The following APOBEC3C variants were observed in gnomAD, a reference collection of about 807,000 sequenced individuals.
APOBEC3C encodes the protein DNA dC->dU-editing enzyme APOBEC-3C.
A neutral mutation model predicts 20.6 loss-of-function variants in APOBEC3C; 14 were observed. The observed-to-expected ratio is 0.68, with a 90% CI of 0.45 to 1.06. APOBEC3C has a LOEUF of 1.06. Ranked by LOEUF, APOBEC3C falls within the 50% of genes least tolerant of loss-of-function variation. The probability of loss-of-function intolerance (pLI) is 0.00; values close to 1 mark genes in which losing one functional copy is unlikely to be tolerated. For missense variants in APOBEC3C, 244 were observed against 241.9 expected, an observed-to-expected ratio of 1.01 and a Z score of -0.06; for synonymous variants, 98 against 88.8, an observed-to-expected ratio of 1.10 and a Z score of -0.58.
Position 39,018,457 on chromosome 22 carries a change from C to A in APOBEC3C, c.*70C>A. 6.5e-7 allele frequency: 1 copy of A among 1,542,946 alleles called. No homozygotes were observed. The highest frequency in any genetic ancestry group is 1.2e-5 in the South Asian group (1 of 85,128). ...TCATGCTGCACGGGCCTCCCCTCCA[C>A]CCTGGACCCGCTCTGTTTCTGCCTG... On this transcript the variant is annotated 3_prime_UTR_variant, in exon 4 of 4. Transcript: ENST00000361441.
In APOBEC3C at chr22:39,018,651, C is replaced by A. The variant is rs916405873; in HGVS notation, c.*264C>A. The A allele has an allele frequency of 3.1e-6, 1 of 325,896 alleles. No individual in the cohort carries two copies. 20.2% of individuals were successfully genotyped at this position (325,896 alleles called of 1,614,324 possible). Reference sequence around the variant, plus strand: ...TCCAGCCTGCGTGCCCCTAACCTGGCTTTTCCCATCTCCCCAGCATAACCA... The same window carrying A: ...TCCAGCCTGCGTGCCCCTAACCTGGATTTTCCCATCTCCCCAGCATAACCA... On this transcript the variant is annotated 3_prime_UTR_variant, in exon 4 of 4. Coordinates refer to ENST00000361441, the MANE Select transcript of APOBEC3C (RefSeq NM_014508.3).
chr22:39,015,830 G>A lies in APOBEC3C; in HGVS notation c.174+79G>A. On this transcript the variant is annotated intron_variant, in intron 2 of 3. Coordinates refer to ENST00000361441, the MANE Select transcript of APOBEC3C (RefSeq NM_014508.3). ...CAGAAAACGCAACAATAAGTGATGT[G>A]CCCGGCGTGGGCTCTCCTGTGTGCA... 6.2e-6 allele frequency: 9 copies of A among 1,454,050 alleles called. No homozygotes were observed. The South Asian group carries it at 7.5e-5, about 12-fold the overall frequency. The allele number at this position is 1,454,050 out of a possible 1,614,324, so 90.1% of individuals were successfully genotyped here. A position where few individuals can be genotyped will look rare whatever the true frequency, so the allele number is the denominator to read the frequency against.
intron 1 of APOBEC3C, 35 bp from the exon 2 acceptor site, chr22:39,015,560 G>C: frequency 6.2e-7 from 1 of 1,607,186 alleles, no homozygotes; most frequent in Non-Finnish European, 8.5e-7. Context: ...CGGTGCGGGG[G>C]TCTCTGCATT....
At chr22:39,018,155 C>A in intron 3 of APOBEC3C, 110 bp downstream of exon 3, 1 of 1,569,010 alleles carries the variant, frequency 6.4e-7, no homozygotes, top group Admixed American at 1.8e-5. Flanking sequence ...CTGTGGGGAC[C>A]GGGCCAGCGC....
chr22:39,014,459 C>CCCCCTG, intron 1 of APOBEC3C, 80 bp downstream of exon 1: 1 of 1,580,648 alleles, frequency 6.3e-7, no homozygotes, highest in Non-Finnish European at 8.7e-7. Context: ...GCCCTGGCCT[C>CCCCCTG]CCCCTGCCCC....
chr22:39,017,183 G>A (rs1924813362), intron 2 of APOBEC3C, among the ~76,000 whole-genome samples: 1 of 152,078 alleles, frequency 6.6e-6, no homozygotes, highest in Non-Finnish European at 1.5e-5. Flanking sequence ...AGTGAGCCGA[G>A]ATTGTGCCAC....
Position 39,018,037 on chromosome 22 carries a change from A to C in APOBEC3C, c.446A>C (p.Asp149Ala), listed in dbSNP as rs202215677. Residue 149 changes from aspartate to alanine, a missense_variant, in exon 3 of 4, where the codon GAC becomes GCC. By Grantham distance (126) the Asp-to-Ala change is moderately radical. Coordinates refer to ENST00000361441, the MANE Select transcript of APOBEC3C (RefSeq NM_014508.3). Reference protein sequence around the residue: ...SQEGVAVEIMDYEDFKYCWEN... With the variant: ...SQEGVAVEIMAYEDFKYCWEN... ...GAAGGGGTCGCTGTGGAGATCATGG[A>C]CTATGAAGGTGAGACGTGGGGGGCT... 1.7e-4 allele frequency: 273 copies of C among 1,613,938 alleles called. No homozygotes were observed. Among genetic ancestry groups the C allele is most frequent in the Admixed American group, 2.5e-4 (15 of 60,010 alleles).
intron 2 of APOBEC3C, among the ~76,000 whole-genome samples, chr22:39,016,756 T>A (rs1425986676): frequency 6.6e-6 from 1 of 152,036 alleles, no homozygotes; most frequent in Non-Finnish European, 1.5e-5. Flanking sequence ...GACTGCGGGC[T>A]GGTGGGGCCG....
In APOBEC3C at chr22:39,018,112, A is replaced by G. The variant is rs2146312196; in HGVS notation, c.454+67A>G. ...AGCATGAGGGGCAGATGGTTCTCCA[A>G]TGCTGTGGGGCGGGTCAGTGTCCCC... On this transcript the variant is annotated intron_variant, in intron 3 of 3. Coordinates refer to ENST00000361441, the MANE Select transcript of APOBEC3C (RefSeq NM_014508.3). The G allele has an allele frequency of 2.5e-6, 4 of 1,591,228 alleles. No homozygotes were observed. The South Asian group carries it at 3.4e-5, about 14-fold the overall frequency.
intron 2 of APOBEC3C, among the ~76,000 whole-genome samples, chr22:39,017,077 C>T (rs1924808712): frequency 6.6e-6 from 1 of 151,714 alleles, no homozygotes; most frequent in East Asian, 1.9e-4. Context: ...ACTAAAAATA[C>T]AAAGATTAGC....
rs999270579 is a variant in APOBEC3C, at chr22:39,019,052, C to A, written c.*665C>A. 5 of 151,998 alleles carry A rather than the reference C, an allele frequency of 3.3e-5. No individual in the cohort carries two copies. Among genetic ancestry groups the A allele is most frequent in the African/African-American group, 4.8e-5 (2 of 41,380 alleles). The allele number at this position is 151,998 out of a possible 1,614,324, so 9.4% of individuals were successfully genotyped here. A position where few individuals can be genotyped will look rare whatever the true frequency, so the allele number is the denominator to read the frequency against. ...TGTGAATATATGTAAGTTGAAAACC[C>A]GAAGTTTTGAGAAACATCCTTTGTA... On this transcript the variant is annotated 3_prime_UTR_variant, in exon 4 of 4. Transcript: ENST00000361441.
In APOBEC3C at chr22:39,014,321, G is replaced by C. The variant is rs181000303; in HGVS notation, c.-42G>C. 1.9e-6 allele frequency: 3 copies of C among 1,614,028 alleles called. No homozygotes were observed. The highest frequency in any genetic ancestry group is 1.7e-4 in the Middle Eastern group (1 of 6,060). ...CAGGAAGAGAAGCCACAGCGCTTCA[G>C]AAAAGAGTGGGACAGGGACAAGCAT... On this transcript the variant is annotated 5_prime_UTR_variant, in exon 1 of 4. Coordinates refer to ENST00000361441, the MANE Select transcript of APOBEC3C (RefSeq NM_014508.3).
chr22:39,018,070 G>C, intron 3 of APOBEC3C, 25 bp downstream of exon 3: 1 of 1,612,082 alleles, frequency 6.2e-7, no homozygotes, highest in Non-Finnish European at 8.5e-7. Context: ...GCTGAGGAGA[G>C]TGGGTGCAGG....
In APOBEC3C at chr22:39,020,192, T is replaced by A. The variant is rs1415625585; in HGVS notation, c.*1805T>A. The A allele has an allele frequency of 6.6e-6, 1 of 152,248 alleles. No homozygotes were observed. The highest frequency in any genetic ancestry group is 1.5e-5 in the Non-Finnish European group (1 of 68,056). The allele number at this position is 152,248 out of a possible 1,614,324, so 9.4% of individuals were successfully genotyped here. ...CCTCCTGTAGCCTGTTGAATATGTA[T>A]GTTTAGCCAACCTCTTCAGCATAAA... On this transcript the variant is annotated 3_prime_UTR_variant, in exon 4 of 4. Coordinates refer to ENST00000361441, the MANE Select transcript of APOBEC3C (RefSeq NM_014508.3).
intron 2 of APOBEC3C, 130 bp downstream of exon 2, chr22:39,015,881 T>C (rs1227941374): frequency 1.1e-6 from 1 of 933,868 alleles, no homozygotes; most frequent in African/African-American, 1.7e-5. Flanking sequence ...TCTATTTTTT[T>C]TTTTTTTTTT....
At chr22:39,017,525 A>C (rs1924829732) in intron 2 of APOBEC3C, among the ~76,000 whole-genome samples, 1 of 152,038 alleles carries the variant, frequency 6.6e-6, no homozygotes, top group Non-Finnish European at 1.5e-5. Flanking sequence ...CCTGCATCCC[A>C]GCTTATCAGG....
At chr22:39,015,159 G>A (rs1286486864) in intron 1 of APOBEC3C, among the ~76,000 whole-genome samples, 1 of 151,952 alleles carries the variant, frequency 6.6e-6, no homozygotes, top group Non-Finnish European at 1.5e-5. Flanking sequence ...ATTAGCCAGG[G>A]GTGCTGGCGG....
At chr22:39,016,406 A>C (rs1924788302) in intron 2 of APOBEC3C, among the ~76,000 whole-genome samples, 1 of 123,950 alleles carries the variant, frequency 8.1e-6, no homozygotes, top group African/African-American at 3.2e-5. Context: ...TTTAGTAGAG[A>C]CGGGGTTTCA....
intron 2 of APOBEC3C, 97 bp downstream of exon 2, chr22:39,015,848 T>C: frequency 8.1e-7 from 1 of 1,234,474 alleles, no homozygotes; most frequent in Non-Finnish European, 1.1e-6. Context: ...TGGGCTCTCC[T>C]GTGTGCACTT....
Sources: allele counts gnomAD v4.1 joint callset (sites outside exome capture counted in the v4.1 genomes callset), GRCh38; gene constraint gnomAD v4.1.1; transcripts MANE v1.5; gene names NCBI Gene and HGNC (gene_info 2026-07-23, HGNC 2026-07-21).